Variants in OSR2 observed in about 807,000 individuals in gnomAD.
The protein encoded by OSR2 is protein odd-skipped-related 2.
Under a neutral mutation model 22.3 loss-of-function variants are expected in OSR2, and 8 were observed. That is an observed-to-expected ratio of 0.36 (90% CI 0.21 to 0.65). The LOEUF is 0.65. Among genes scored for constraint, OSR2 ranks in the 30% least tolerant of loss-of-function variants. The pLI is 0.66. For synonymous variants in OSR2, 179 were observed against 173.8 expected, an observed-to-expected ratio of 1.03 and a Z score of -0.23; for missense variants, 311 against 413.4, an observed-to-expected ratio of 0.75 and a Z score of 2.15.
rs961492568 is a variant in OSR2 at position 98,949,149 on chromosome 8, G to A, written c.197G>A (p.Arg66His). Residue 66 changes from arginine to histidine, a missense_variant, in exon 2 of 4, where the codon CGC (arginine) becomes CAC (histidine). This residue lies in a region of OSR2 where 146 missense variants were observed against 160.5 expected (regional missense o/e 0.91). Transcript: ENST00000297565. The surrounding 1 kb of genome is among the most constrained non-coding windows in gnomAD (Gnocchi z 5.9). ...LGYPNVHEITRSTITEMAAAQ... is the reference protein window; with the variant it reads ...LGYPNVHEITHSTITEMAAAQ... ...TATCCCAATGTGCACGAGATCACCC[G>A]CTCCACCATCACGGAGATGGCGGCG... The A allele has an allele frequency of 3.1e-6, 5 of 1,612,376 alleles. No individual in the cohort carries two copies. Among genetic ancestry groups the A allele is most frequent in the South Asian group, 1.1e-5 (1 of 90,888 alleles).
intron 1 of OSR2, among the ~76,000 whole-genome samples, chr8:98,945,172 G>T (rs1840569126): frequency 6.6e-6 from 1 of 152,216 alleles, no homozygotes; most frequent in South Asian, 2.1e-4. Context: ...AGCCTGGGTC[G>T]ACTTGTCCCG....
At position 98,948,622 on chromosome 8, in the gene OSR2, G is replaced by A. The variant is rs181559739; in HGVS notation, c.-114-217G>A. On this transcript the variant is annotated intron_variant, in intron 1 of 3. Coordinates refer to ENST00000297565, the MANE Select transcript of OSR2 (RefSeq NM_001142462.3). This position sits in a 1 kb window ranked among gnomAD's most constrained non-coding sequence, Gnocchi z 6.0. Reference sequence around the variant, plus strand: ...CTTTCTTTCCTTTGGGCACGCGCTCGCCAGTGGAGCACTTCTTGTTCTGGC... The same window carrying A: ...CTTTCTTTCCTTTGGGCACGCGCTCACCAGTGGAGCACTTCTTGTTCTGGC... 1.1e-3 allele frequency: 1,094 copies of A among 974,392 alleles called. 2 individuals carry two copies. The highest frequency in any genetic ancestry group is 5.3e-3 in the Admixed American group (176 of 32,932). 60.4% of individuals were successfully genotyped at this position (974,392 alleles called of 1,614,324 possible). A position where few individuals can be genotyped will look rare whatever the true frequency, so the allele number is the denominator to read the frequency against.
In OSR2 at chr8:98,949,241, C is replaced by T. The variant is rs937683594; in HGVS notation, c.289C>T (p.Pro97Ser). ...ALPFTTHLFH[P>S]KQGAIAHVLP... ...GCCTTTTACCACCCACCTATTCCACCCCAAGCAGGGGGCCATTGCCCACGT... is the reference window on the plus strand; with the variant it reads ...GCCTTTTACCACCCACCTATTCCACTCCAAGCAGGGGGCCATTGCCCACGT... Residue 97 changes from proline (P) to serine (S), a missense_variant, in exon 2 of 4, where the codon CCC becomes TCC. Transcript: ENST00000297565. The surrounding 1 kb of genome is among the most constrained non-coding windows in gnomAD (Gnocchi z 5.9). 7 of 1,601,930 alleles carry T rather than the reference C, an allele frequency of 4.4e-6. No individual in the cohort carries two copies. The African/African-American group carries it at 9.4e-5, about 21-fold the overall frequency.
rs924680201 is a variant in OSR2, at chr8:98,951,722, G to C, written c.*21G>C. 1 of 1,596,898 alleles carries C rather than the reference G, an allele frequency of 6.3e-7. No homozygotes were observed. The highest frequency in any genetic ancestry group is 1.1e-5 in the South Asian group (1 of 89,000). On this transcript the variant is annotated 3_prime_UTR_variant, in exon 4 of 4. Coordinates refer to ENST00000297565, the MANE Select transcript of OSR2 (RefSeq NM_001142462.3). ...TCTAGAGAAGCCCAGGATCTGTCCC[G>C]TGCCGCCGCTGCTCCCCTCCCCAGA...
Position 98,949,784 on chromosome 8 carries a change from G to C in OSR2, c.656+176G>C, listed in dbSNP as rs1840728849. ...CAACATCTACCCTTTCTTTCCCCCA[G>C]CGGCTCTTGCTACGTTCTTGTTTGG... On this transcript the variant is annotated intron_variant, in intron 2 of 3. Transcript: ENST00000297565. The surrounding 1 kb of genome is among the most constrained non-coding windows in gnomAD (Gnocchi z 5.9). Among the ~76,000 whole-genome samples, 1 of 152,160 alleles carries C rather than the reference G, an allele frequency of 6.6e-6. No individual in the cohort carries two copies. Among genetic ancestry groups the C allele is most frequent in the Non-Finnish European group, 1.5e-5 (1 of 68,030 alleles).
chr8:98,950,464 T>C (rs894997675), intron 2 of OSR2, among the ~76,000 whole-genome samples, 192 bp from the exon 3 acceptor site: 10 of 151,918 alleles, frequency 6.6e-5, no homozygotes, highest in Non-Finnish European at 5.9e-5. Context: ...GCCCGCGGGC[T>C]GGTGAATATT....
rs1840795812 is a variant in OSR2 at position 98,951,898 on chromosome 8, C to G, written c.*197C>G. ...GTAGAAAGCCACACACTACTACATC[C>G]CTTCACAAAGAGTATATGCTAGTTT... On this transcript the variant is annotated 3_prime_UTR_variant, in exon 4 of 4. Transcript: ENST00000297565. The G allele has an allele frequency of 1.8e-6, 1 of 569,496 alleles. No homozygotes were observed. Among genetic ancestry groups the G allele is most frequent in the South Asian group, 2.4e-5 (1 of 41,426 alleles). 35.3% of individuals were successfully genotyped at this position (569,496 alleles called of 1,614,324 possible).
In OSR2 at chr8:98,951,089, G is replaced by T; in HGVS notation, c.756+334G>T. ...ATGGAGGCATAGTGAAATCCCATAC[G>T]TTCTCTTTCCCAAGGGCCTCATAAT... On this transcript the variant is annotated intron_variant, in intron 3 of 3. Coordinates refer to ENST00000297565, the MANE Select transcript of OSR2 (RefSeq NM_001142462.3). 7.7e-6 allele frequency: 4 copies of T among 518,584 alleles called. No individual in the cohort carries two copies. The South Asian group carries it at 1.2e-4, about 16-fold the overall frequency. 32.1% of individuals were successfully genotyped at this position (518,584 alleles called of 1,614,324 possible).
Position 98,950,541 on chromosome 8 carries a change from T to A in OSR2, c.657-115T>A, listed in dbSNP as rs773934810. ...CAGGAAAAAAAAAAATCTAAAAACG[T>A]AAATGGAAATCTTGTTTCTTTTGTT... On this transcript the variant is annotated intron_variant, in intron 2 of 3. Coordinates refer to ENST00000297565, the MANE Select transcript of OSR2 (RefSeq NM_001142462.3). 189 of 678,092 alleles carry A rather than the reference T, an allele frequency of 2.8e-4. 3 individuals carry two copies. Among genetic ancestry groups the A allele is most frequent in the South Asian group, 1.0e-3 (52 of 49,930 alleles). The allele number at this position is 678,092 out of a possible 1,614,324, so 42.0% of individuals were successfully genotyped here. A position where few individuals can be genotyped will look rare whatever the true frequency, so the allele number is the denominator to read the frequency against.
chr8:98,950,520 A>G (rs1467149844), intron 2 of OSR2, 136 bp from the exon 3 acceptor site: 2 of 342,740 alleles, frequency 5.8e-6, no homozygotes, highest in Non-Finnish European at 5.3e-6. Context: ...ATTACACAGG[A>G]AAAAAAAAAA....
intron 1 of OSR2, among the ~76,000 whole-genome samples, chr8:98,947,343 C>T (rs986307668): frequency 6.6e-6 from 1 of 152,008 alleles, no homozygotes; most frequent in African/African-American, 2.4e-5. Flanking sequence ...AGTCTGCTCA[C>T]AGATGGAACC....
In OSR2 at chr8:98,951,539, C is replaced by T. The variant is rs1373337419; in HGVS notation, c.777C>T (p.Pro259=). ...LHMQESPHKC[P]TCGRTFNQRS... is the part of the protein sequence containing the mutation. ...AACAGGAATCTCCACACAAATGTCC[C>T]ACATGTGGAAGAACCTTTAATCAGA... The change falls in exon 4 of 4, where the codon CCC becomes CCT. Residue 259 remains proline, a synonymous_variant. Coordinates refer to ENST00000297565, the MANE Select transcript of OSR2 (RefSeq NM_001142462.3). 1.3e-6 allele frequency: 2 copies of T among 1,597,948 alleles called. No homozygotes were observed. The highest frequency in any genetic ancestry group is 3.5e-5 in the Admixed American group (2 of 57,176).
At chr8:98,951,460 GA>G in intron 3 of OSR2, 58 bp from the exon 4 acceptor site, 1 of 1,466,724 alleles carries the variant, frequency 6.8e-7, no homozygotes, top group Non-Finnish European at 9.3e-7. Context: ...AGAAACTATT[GA>G]AAAGGGTGCA....
rs372847306 is a variant in OSR2, at chr8:98,949,265, G to T, written c.313G>T (p.Val105Phe). The change falls in exon 2 of 4, where the codon GTC becomes TTC. Residue 105 changes from valine (V) to phenylalanine (F), a missense_variant. Physicochemically the swap from Val to Phe is conservative, Grantham distance 50 (BLOSUM62 -1). Coordinates refer to ENST00000297565, the MANE Select transcript of OSR2 (RefSeq NM_001142462.3). This position sits in a 1 kb window ranked among gnomAD's most constrained non-coding sequence, Gnocchi z 5.9. ...CCCCAAGCAGGGGGCCATTGCCCAC[G>T]TCCTCCCAGCCCTGCACAAGGACCG... ...FHPKQGAIAH[V>F]LPALHKDRPR... 4 of 1,606,734 alleles carry T rather than the reference G, an allele frequency of 2.5e-6. No homozygotes were observed. The African/African-American group carries it at 5.4e-5, about 22-fold the overall frequency.
chr8:98,949,257 T>C lies in OSR2; in HGVS notation c.305T>C (p.Ile102Thr). 6.2e-7 allele frequency: 1 copy of C among 1,604,248 alleles called. No individual in the cohort carries two copies. Among genetic ancestry groups the C allele is most frequent in the South Asian group, 1.1e-5 (1 of 90,360 alleles). ...THLFHPKQGAIAHVLPALHKD... is the reference protein window; with the variant it reads ...THLFHPKQGATAHVLPALHKD... ...CTATTCCACCCCAAGCAGGGGGCCA[T>C]TGCCCACGTCCTCCCAGCCCTGCAC... The change falls in exon 2 of 4, where the codon ATT (isoleucine) becomes ACT (threonine). Residue 102 changes from isoleucine (I) to threonine (T), a missense_variant. By Grantham distance (89) the Ile-to-Thr change is moderately conservative. Coordinates refer to ENST00000297565, the MANE Select transcript of OSR2 (RefSeq NM_001142462.3). The surrounding 1 kb of genome is among the most constrained non-coding windows in gnomAD (Gnocchi z 5.9).
chr8:98,947,472 G>A (rs761458541), intron 1 of OSR2, among the ~76,000 whole-genome samples: 1 of 152,174 alleles, frequency 6.6e-6, no homozygotes, highest in Non-Finnish European at 1.5e-5. Context: ...CAGGCTTGGC[G>A]GTTGGTGGCA....
At position 98,948,768 on chromosome 8, in the gene OSR2, G is replaced by C. The variant is rs1489945277; in HGVS notation, c.-114-71G>C. 6.9e-7 allele frequency: 1 copy of C among 1,447,006 alleles called. No individual in the cohort carries two copies. Among genetic ancestry groups the C allele is most frequent in the Non-Finnish European group, 9.1e-7 (1 of 1,095,178 alleles). The allele number at this position is 1,447,006 out of a possible 1,614,324, so 89.6% of individuals were successfully genotyped here. On this transcript the variant is annotated intron_variant, in intron 1 of 3. Transcript: ENST00000297565. The surrounding 1 kb of genome is among the most constrained non-coding windows in gnomAD (Gnocchi z 6.0). Reference sequence around the variant, plus strand: ...GACTTAGGTGTGGTAACCTGCGCAGGTGCCAAAGGGCAGAAGGAGCAGCCT... The same window carrying C: ...GACTTAGGTGTGGTAACCTGCGCAGCTGCCAAAGGGCAGAAGGAGCAGCCT...
chr8:98,951,778 G>A lies in OSR2; in HGVS notation c.*77G>A, dbSNP rs146906272. On this transcript the variant is annotated 3_prime_UTR_variant, in exon 4 of 4. Coordinates refer to ENST00000297565, the MANE Select transcript of OSR2 (RefSeq NM_001142462.3). ...CTCCACGTCTCCTACCCAGGGGGTC[G>A]CATCCCTAGCCCTTCACTGACCCCA... 645 of 1,441,528 alleles carry A rather than the reference G, an allele frequency of 4.5e-4. 6 individuals are homozygous for A. The East Asian group carries it at 0.015, about 33-fold the overall frequency. The allele number at this position is 1,441,528 out of a possible 1,614,324, so 89.3% of individuals were successfully genotyped here.
Position 98,951,822 on chromosome 8 carries a change from C to T in OSR2, c.*121C>T, listed in dbSNP as rs1195678557. The T allele has an allele frequency of 6.2e-6, 6 of 965,650 alleles. No homozygotes were observed. Among genetic ancestry groups the T allele is most frequent in the Non-Finnish European group, 9.0e-6 (6 of 668,012 alleles). 59.8% of individuals were successfully genotyped at this position (965,650 alleles called of 1,614,324 possible). Reference sequence around the variant, plus strand: ...GACCCCAGCTCTTCCCTTGCTGCAGCCGCACCTGCAGCTCCAGGGAGTTAA... The same window carrying T: ...GACCCCAGCTCTTCCCTTGCTGCAGTCGCACCTGCAGCTCCAGGGAGTTAA... On this transcript the variant is annotated 3_prime_UTR_variant, in exon 4 of 4. Transcript: ENST00000297565.
Sources: allele counts gnomAD v4.1 joint callset (sites outside exome capture counted in the v4.1 genomes callset), GRCh38; gene constraint gnomAD v4.1.1; regional missense constraint gnomAD v4.1.1; non-coding constraint Gnocchi (gnomAD v3.1); transcripts MANE v1.5; gene names NCBI Gene and HGNC (gene_info 2026-07-23, HGNC 2026-07-21).